DNM3: variants seen among roughly 807,000 people sequenced by gnomAD.
DNM3 encodes dynamin-3.
In DNM3, 47 loss-of-function variants were observed where a neutral mutation model predicts 101.6. That is an observed-to-expected ratio of 0.46 (90% CI 0.37 to 0.59). The LOEUF is 0.59. DNM3 is among the 20% of genes least tolerant of loss of function. The probability of loss-of-function intolerance (pLI) is 0.00; values close to 1 mark genes in which losing one functional copy is unlikely to be tolerated. For synonymous variants in DNM3, 385 were observed against 387.9 expected (o/e 0.99, Z 0.09); for missense variants, 849 against 1,085.7 (o/e 0.78, Z 3.06).
At chr1:172,068,970 T>C in intron 11 of DNM3, 65 bp downstream of exon 11, 1 of 1,396,586 alleles carries the variant, frequency 7.2e-7, no homozygotes, top group Non-Finnish European at 9.9e-7. Context: ...TGCAAGGTTG[T>C]CTGGTAGTTC....
At chr1:172,374,379 A>T (rs1425253787) in intron 17 of DNM3, among the ~76,000 whole-genome samples, 3 of 152,044 alleles carry the variant, frequency 2.0e-5, no homozygotes, top group African/African-American at 7.2e-5. Flanking sequence ...TGACAGCTTT[A>T]TCAACTACAG....
intron 1 of DNM3, among the ~76,000 whole-genome samples, chr1:171,890,304 G>A (rs1027716852): frequency 2.0e-5 from 3 of 152,078 alleles, no homozygotes; most frequent in African/African-American, 7.2e-5. Flanking sequence ...TTGTTTGGAA[G>A]TACTCATTCT....
intron 16 of DNM3, among the ~76,000 whole-genome samples, chr1:172,320,397 G>GAAA (rs11345178): frequency 7.2e-6 from 1 of 139,442 alleles, no homozygotes. Context: ...ATAAAAAAAA[G>GAAA]AAAAAAAAAA....
intron 4 of DNM3, among the ~76,000 whole-genome samples, chr1:172,017,049 T>C (rs746143799): frequency 5.9e-5 from 9 of 152,182 alleles, no homozygotes; most frequent in Non-Finnish European, 1.2e-4. Context: ...TAATATTCTC[T>C]TATTATTCTT....
intron 13 of DNM3, among the ~76,000 whole-genome samples, chr1:172,101,510 A>G (rs888943950): frequency 1.3e-5 from 2 of 152,166 alleles, no homozygotes; most frequent in African/African-American, 4.8e-5. Flanking sequence ...ACTGTTTCAT[A>G]AGGTTTTTGT....
intron 15 of DNM3, among the ~76,000 whole-genome samples, chr1:172,272,523 C>G (rs994535829): frequency 6.6e-6 from 1 of 152,058 alleles, no homozygotes; most frequent in Non-Finnish European, 1.5e-5. Context: ...GCTCCATAAA[C>G]CATGAAATTA....
In DNM3 at chr1:171,994,964, G is replaced by A. The variant is rs140456806; in HGVS notation, c.589+5816G>A. 1.4e-3 allele frequency among the ~76,000 whole-genome samples: 218 copies of A among 152,006 alleles called. 2 individuals carry two copies. The highest frequency in any genetic ancestry group is 5.1e-3 in the African/African-American group (210 of 41,504). On this transcript the variant is annotated intron_variant, in intron 4 of 20. Transcript: ENST00000627582. Reference sequence around the variant, plus strand: ...CTCCAACCCCATTCTGTCCCCTCCAGGGGTTTCTAGGGTTCTGATTTTCAT... The same window carrying A: ...CTCCAACCCCATTCTGTCCCCTCCAAGGGTTTCTAGGGTTCTGATTTTCAT...
intron 20 of DNM3, chr1:172,394,462 A>T (rs887765712): frequency 3.9e-5 from 6 of 152,402 alleles, no homozygotes; most frequent in South Asian, 4.1e-4. Context: ...ACATAAGGCA[A>T]AGTACAAGTA....
intron 10 of DNM3, among the ~76,000 whole-genome samples, chr1:172,054,785 C>G (rs1383726992): frequency 6.6e-6 from 1 of 152,062 alleles, no homozygotes; most frequent in Non-Finnish European, 1.5e-5. Context: ...ATGGTAAAAC[C>G]CCATCTCTAC....
intron 14 of DNM3, among the ~76,000 whole-genome samples, chr1:172,163,333 G>C (rs1182207968): frequency 6.6e-6 from 1 of 151,506 alleles, no homozygotes; most frequent in Non-Finnish European, 1.5e-5. Flanking sequence ...CCATCTCCTG[G>C]GTTCAAGCCA....
At chr1:172,384,792 G>A (rs752240658) in intron 18 of DNM3, among the ~76,000 whole-genome samples, 1 of 152,160 alleles carries the variant, frequency 6.6e-6, no homozygotes, top group Non-Finnish European at 1.5e-5. Context: ...AGTTTCTAAA[G>A]AGCTTAACCC....
Position 172,410,860 on chromosome 1 carries a change from A to G in DNM3, c.*3019A>G. On this transcript the variant is annotated 3_prime_UTR_variant, in exon 21 of 21. Transcript: ENST00000627582. ...CTTTTTAGTATAGACTGTAGCCATAATTCTCAAATATGAAATGGGACCTAA... is the reference window on the plus strand; with the variant it reads ...CTTTTTAGTATAGACTGTAGCCATAGTTCTCAAATATGAAATGGGACCTAA... 1 of 985,266 alleles carries G rather than the reference A, an allele frequency of 1.0e-6. No homozygotes were observed. Among genetic ancestry groups the G allele is most frequent in the South Asian group, 4.7e-5 (1 of 21,288 alleles). 61.0% of individuals were successfully genotyped at this position (985,266 alleles called of 1,614,324 possible).
intron 20 of DNM3, among the ~76,000 whole-genome samples, chr1:172,391,546 T>C (rs2069531897): frequency 6.6e-6 from 1 of 152,136 alleles, no homozygotes; most frequent in Non-Finnish European, 1.5e-5. Flanking sequence ...AAGAAAGAAA[T>C]TGAGAGAAGC....
rs554516411 is a variant in DNM3, at chr1:172,253,003, T to C, written c.1660-570T>C. The stretch of plus-strand genomic sequence containing the variant: ...TTCTAGACCCAAATGAGCAAGTACT[T>C]TTTATGCTTTATCATAGTTTATGGG... On this transcript the variant is annotated intron_variant, in intron 14 of 20. Coordinates refer to ENST00000627582, the MANE Select transcript of DNM3 (RefSeq NM_015569.5). Among the ~76,000 whole-genome samples, 5 of 152,232 alleles carry C rather than the reference T, an allele frequency of 3.3e-5. No individual in the cohort carries two copies. The South Asian group carries it at 1.0e-3, about 32-fold the overall frequency.
At position 172,294,318 on chromosome 1, in the gene DNM3, G is replaced by T. The variant is rs139134192; in HGVS notation, c.1770-14410G>T. 8.5e-3 allele frequency among the ~76,000 whole-genome samples: 1,293 copies of T among 152,116 alleles called. 11 individuals carry two copies. Among genetic ancestry groups the T allele is most frequent in the African/African-American group, 0.03 (1,226 of 41,498 alleles). On this transcript the variant is annotated intron_variant, in intron 15 of 20. Transcript: ENST00000627582. The stretch of plus-strand genomic sequence containing the variant: ...GAATATCTTAGGTTTTCTATAAAAA[G>T]TTTAGCATCTGGTCAAAAATGAAAA...
chr1:172,286,935 C>T (rs1255260110), intron 15 of DNM3, among the ~76,000 whole-genome samples: 1 of 152,244 alleles, frequency 6.6e-6, no homozygotes, highest in East Asian at 1.9e-4. Flanking sequence ...ATCACAACCA[C>T]AGCTGAGCAA....
intron 1 of DNM3, among the ~76,000 whole-genome samples, chr1:171,863,668 C>T (rs2034417208): frequency 6.6e-6 from 1 of 152,148 alleles, no homozygotes; most frequent in South Asian, 2.1e-4. Flanking sequence ...CCTTCTCCTT[C>T]TATGCACTGG....
At chr1:172,390,640 A>G (rs2227199) in intron 20 of DNM3, among the ~76,000 whole-genome samples, 72,399 of 152,196 alleles carry the variant, frequency 0.48, 20,308 homozygotes, top group East Asian at 0.87. Context: ...TGTAGTATTC[A>G]AAAGAATTCC....
At chr1:171,911,179 G>A (rs569396328) in intron 1 of DNM3, among the ~76,000 whole-genome samples, 48 of 151,814 alleles carry the variant, frequency 3.2e-4, no homozygotes, top group African/African-American at 1.1e-3. Flanking sequence ...AAATAAACAG[G>A]ATGTGACCAT....
Sources: allele counts gnomAD v4.1 joint callset (sites outside exome capture counted in the v4.1 genomes callset), GRCh38; gene constraint gnomAD v4.1.1; transcripts MANE v1.5; gene names NCBI Gene and HGNC (gene_info 2026-07-23, HGNC 2026-07-21).